DGKH: variants seen among roughly 807,000 people sequenced by gnomAD.
The protein encoded by DGKH is diacylglycerol kinase eta.
DGKH carries 90 observed loss-of-function variants against 159.3 expected under a neutral mutation model. That is an observed-to-expected ratio of 0.57 (90% CI 0.48 to 0.67). DGKH has a LOEUF of 0.67. DGKH is among the 30% of genes least tolerant of loss of function. The pLI, the probability that DGKH is intolerant of heterozygous loss-of-function variation, is 0.00. For synonymous variants in DGKH, 536 were observed against 553.8 expected, an observed-to-expected ratio of 0.97 and a Z score of 0.45; for missense variants, 1,181 against 1,506.1, an observed-to-expected ratio of 0.78 and a Z score of 3.57.
At chr13:42,102,117 A>T (rs1954663252) in intron 1 of DGKH, among the ~76,000 whole-genome samples, 1 of 152,224 alleles carries the variant, frequency 6.6e-6, no homozygotes, top group Non-Finnish European at 1.5e-5. Context: ...AAGGAAAGGG[A>T]TGATTCCGTC....
In DGKH at chr13:42,194,912, C is replaced by T; in HGVS notation, c.2063C>T (p.Ala688Val). ...AAAACTGCACCTCGGTCTCCAGATG[C>T]CCGGGCAAGTTATGGCCATTCCCAA... is the stretch of plus-strand genomic sequence containing the variant. ...TVKTAPRSPD[A>V]RASYGHSQTD... is the part of the protein sequence containing the mutation. The change falls in exon 17 of 30, where the codon GCC becomes GTC. Residue 688 changes from alanine to valine, a missense_variant. Coordinates refer to ENST00000337343, the MANE Select transcript of DGKH (RefSeq NM_178009.5). 1 of 1,613,876 alleles carries T rather than the reference C, an allele frequency of 6.2e-7. No homozygotes were observed. The highest frequency in any genetic ancestry group is 8.5e-7 in the Non-Finnish European group (1 of 1,179,906).
At position 42,168,355 on chromosome 13, in the gene DGKH, T is replaced by C. The variant is rs541483738; in HGVS notation, c.1119-85T>C. 28 of 1,155,226 alleles carry C rather than the reference T, an allele frequency of 2.4e-5. No homozygotes were observed. In the East Asian group the frequency reaches 4.4e-4, roughly 18 times the overall value. 71.6% of individuals were successfully genotyped at this position (1,155,226 alleles called of 1,614,324 possible). A position where few individuals can be genotyped will look rare whatever the true frequency, so the allele number is the denominator to read the frequency against. On this transcript the variant is annotated intron_variant, in intron 9 of 29. Coordinates refer to ENST00000337343, the MANE Select transcript of DGKH (RefSeq NM_178009.5). ...TAGGAGTTCTTATATTTAATCTGAA[T>C]ATGAATACTGATACAGAATAACAAA...
intron 1 of DGKH, among the ~76,000 whole-genome samples, chr13:42,051,872 T>G (rs1270958133): frequency 6.6e-6 from 1 of 151,578 alleles, no homozygotes; most frequent in Non-Finnish European, 1.5e-5. Context: ...TCCATGTTGG[T>G]CAGGCTGGTC....
rs1047534474 is a variant in DGKH at position 42,166,500 on chromosome 13, G to T, written c.959-15G>T. ...AAGCTGTATGTATTGATCTTGTGTT[G>T]TGTTTTTTTCACAGGTTTCTGTAGA... On this transcript the variant is annotated splice_polypyrimidine_tract_variant and intron_variant, in intron 8 of 29. Coordinates refer to ENST00000337343, the MANE Select transcript of DGKH (RefSeq NM_178009.5). 6.7e-7 allele frequency: 1 copy of T among 1,497,262 alleles called. No individual in the cohort carries two copies. The highest frequency in any genetic ancestry group is 2.2e-5 in the Admixed American group (1 of 45,528). 92.7% of individuals were successfully genotyped at this position (1,497,262 alleles called of 1,614,324 possible).
chr13:42,111,510 G>A (rs1361453665), intron 1 of DGKH, among the ~76,000 whole-genome samples: 8 of 152,166 alleles, frequency 5.3e-5, no homozygotes, highest in Admixed American at 3.9e-4. Flanking sequence ...AACCTGGGAG[G>A]CGGAGGTTGC....
chr13:42,052,864 G>A (rs767370403), intron 1 of DGKH, among the ~76,000 whole-genome samples: 7 of 152,134 alleles, frequency 4.6e-5, no homozygotes, highest in Non-Finnish European at 7.3e-5. Context: ...GGGTCATCTC[G>A]GCTAAGGTTG....
chr13:42,055,395 T>C (rs992890291), intron 1 of DGKH, among the ~76,000 whole-genome samples: 5 of 152,268 alleles, frequency 3.3e-5, no homozygotes, highest in Admixed American at 3.3e-4. Flanking sequence ...TAATATATGG[T>C]ATAACACCTT....
chr13:42,129,314 A>G (rs1594065654), intron 2 of DGKH, among the ~76,000 whole-genome samples: 2 of 152,310 alleles, frequency 1.3e-5, no homozygotes, highest in Admixed American at 6.5e-5. Flanking sequence ...AGCACAGCAC[A>G]TTTGCATTGA....
At chr13:42,109,066 A>AAATTTAGTTTACAATTTAGTTTAC (rs1416147451) in intron 1 of DGKH, among the ~76,000 whole-genome samples, 1 of 152,262 alleles carries the variant, frequency 6.6e-6, no homozygotes, top group Non-Finnish European at 1.5e-5. Context: ...TTAGTTTAAC[A>AAATTTAGTTTACAATTTAGTTTAC]AACAAATTGT....
At chr13:42,065,782 G>T (rs1451435432) in intron 1 of DGKH, among the ~76,000 whole-genome samples, 1 of 152,152 alleles carries the variant, frequency 6.6e-6, no homozygotes, top group Non-Finnish European at 1.5e-5. Context: ...AGTAAAATGT[G>T]GATTATTGTC....
chr13:42,229,902 G>GT lies in DGKH; in HGVS notation c.*720dup. On this transcript the variant is annotated 3_prime_UTR_variant, in exon 30 of 30. Transcript: ENST00000337343. The stretch of plus-strand genomic sequence containing the variant: ...TTGGTTAAGGGCACTGCACTTTTCT[G>GT]TTTTTTAATGTGGGATTTTGCGTAA... 6.6e-6 allele frequency: 1 copy of GT among 152,276 alleles called. No homozygotes were observed. Among genetic ancestry groups the GT allele is most frequent in the East Asian group, 1.9e-4 (1 of 5,286 alleles). The allele number at this position is 152,276 out of a possible 1,614,324, so 9.4% of individuals were successfully genotyped here.
intron 3 of DGKH, among the ~76,000 whole-genome samples, chr13:42,146,061 T>G (rs1955720314): frequency 6.6e-6 from 1 of 151,918 alleles, no homozygotes; most frequent in African/African-American, 2.4e-5. Flanking sequence ...CCCCATTTGT[T>G]AGAACCATAA....
intron 18 of DGKH, 139 bp downstream of exon 18, chr13:42,198,734 TTGA>T: frequency 1.3e-6 from 1 of 786,478 alleles, no homozygotes; most frequent in Non-Finnish European, 2.0e-6. Context: ...ATTACAAAAG[TTGA>T]TAATGCCAAG....
chr13:42,105,780 T>G (rs1028327173), intron 1 of DGKH, among the ~76,000 whole-genome samples: 5 of 152,220 alleles, frequency 3.3e-5, no homozygotes, highest in Admixed American at 3.3e-4. Flanking sequence ...AAATCCTTTC[T>G]AGATCTTAAA....
downstream of DGKH, among the ~76,000 whole-genome samples, chr13:42,245,825 C>T (rs533912358): frequency 9.9e-5 from 15 of 152,250 alleles, no homozygotes; most frequent in Admixed American, 3.9e-4. Flanking sequence ...CCTCATGATC[C>T]GCCTGCCTCA....
chr13:42,220,379 A>C (rs1957935136), intron 28 of DGKH, among the ~76,000 whole-genome samples: 1 of 152,132 alleles, frequency 6.6e-6, no homozygotes, highest in Non-Finnish European at 1.5e-5. Flanking sequence ...CTTCGCTGCT[A>C]TTTCTCTCGT....
At chr13:42,070,416 T>A in intron 1 of DGKH, 1 of 1,350,868 alleles carries the variant, frequency 7.4e-7, no homozygotes, top group Non-Finnish European at 1.1e-6. Flanking sequence ...TACAAAACAG[T>A]CAGCATTTCA....
intron 29 of DGKH, among the ~76,000 whole-genome samples, chr13:42,223,035 TTC>T (rs1262391870): frequency 6.6e-6 from 1 of 152,214 alleles, no homozygotes; most frequent in Non-Finnish European, 1.5e-5. Flanking sequence ...GCAAATTACA[TTC>T]TCTCTCTTAA....
At chr13:42,101,772 T>TGAGAGA (rs35380630) in intron 1 of DGKH, among the ~76,000 whole-genome samples, 8 of 148,844 alleles carry the variant, frequency 5.4e-5, no homozygotes, top group Non-Finnish European at 8.9e-5. Flanking sequence ...TGTGTGTGTG[T>TGAGAGA]GAGAGAGAGA....
Sources: allele counts gnomAD v4.1 joint callset (sites outside exome capture counted in the v4.1 genomes callset), GRCh38; gene constraint gnomAD v4.1.1; transcripts MANE v1.5; gene names NCBI Gene and HGNC (gene_info 2026-07-23, HGNC 2026-07-21).